Variants in CSMD1 observed in about 807,000 individuals in gnomAD.
CSMD1 encodes CUB and sushi domain-containing protein 1.
CSMD1 carries 213 observed loss-of-function variants against 417.5 expected under a neutral mutation model. The ratio of observed to expected loss-of-function variants is 0.51; its 90% CI spans 0.46 to 0.57. The LOEUF is 0.57. Among genes scored for constraint, CSMD1 ranks in the 20% least tolerant of loss-of-function variants. The pLI is 0.00. For missense variants in CSMD1, 6,923 were observed against 4,529.7 expected, an observed-to-expected ratio of 1.53 and a Z score of -15.17; for synonymous variants, 2,862 against 1,736.8, an observed-to-expected ratio of 1.65 and a Z score of -16.11.
chr8:3,025,528 A>G (rs533050161), intron 51 of CSMD1, among the ~76,000 whole-genome samples: 8 of 152,350 alleles, frequency 5.3e-5, no homozygotes, highest in African/African-American at 1.9e-4. Context: ...CAGCTCTTCT[A>G]AAAATGGGAT....
At chr8:3,632,241 C>T (rs998881652) in intron 7 of CSMD1, among the ~76,000 whole-genome samples, 3 of 152,162 alleles carry the variant, frequency 2.0e-5, no homozygotes, top group Admixed American at 6.5e-5. Context: ...TAGGGCTGGG[C>T]TTTAACCATT....
At chr8:3,316,722 A>G (rs1485381142) in intron 23 of CSMD1, among the ~76,000 whole-genome samples, 1 of 152,198 alleles carries the variant, frequency 6.6e-6, no homozygotes, top group Non-Finnish European at 1.5e-5. Flanking sequence ...AAGGGAAGAC[A>G]GGAAAGGTCA....
chr8:3,294,187 GT>G (rs1385305794), intron 25 of CSMD1, among the ~76,000 whole-genome samples: 1 of 152,098 alleles, frequency 6.6e-6, no homozygotes, highest in Non-Finnish European at 1.5e-5. Context: ...TCCTCTGGAA[GT>G]TTTGTCTCAG....
intron 50 of CSMD1, chr8:3,043,793 C>G (rs7463254): frequency 0.99 from 151,147 of 152,592 alleles, 74,865 homozygotes; most frequent in East Asian, 1. Flanking sequence ...TCAAAAAACA[C>G]ATTATAAGGC....
chr8:3,761,551 G>T (rs1333742453), intron 5 of CSMD1, among the ~76,000 whole-genome samples: 1 of 139,744 alleles, frequency 7.2e-6, no homozygotes. Context: ...TTTCACCCAG[G>T]CTGGAGTGAA....
At position 3,343,450 on chromosome 8, in the gene CSMD1, C is replaced by A. The variant is rs1407959203; in HGVS notation, c.3475G>T (p.Val1159Leu). The change falls in exon 23 of 70, where the codon GTA (valine) becomes TTA (leucine). Residue 1159 changes from valine to leucine, a missense_variant and splice_region_variant. Physicochemically the swap from Val to Leu is conservative, Grantham distance 32 (BLOSUM62 1). Coordinates refer to ENST00000635120, the MANE Select transcript of CSMD1 (RefSeq NM_033225.6). ...GAGGAACTGTCTTTTCCATCATATACCTGATGAAAATTCACAGCATGAGTC... is the reference window on the plus strand; with the variant it reads ...GAGGAACTGTCTTTTCCATCATATAACTGATGAAAATTCACAGCATGAGTC... ...FQLFEGDTLK[V>L]YDGKDSSSRP... The A allele has an allele frequency of 6.2e-7, 1 of 1,611,722 alleles. No homozygotes were observed. Among genetic ancestry groups the A allele is most frequent in the East Asian group, 2.2e-5 (1 of 44,800 alleles).
chr8:3,296,453 G>C (rs1246885714), intron 25 of CSMD1, among the ~76,000 whole-genome samples: 2 of 152,090 alleles, frequency 1.3e-5, no homozygotes, highest in African/African-American at 2.4e-5. Context: ...GGGCTTTGTA[G>C]GCTGTTTTAA....
At chr8:4,100,012 T>A (rs1285763523) in intron 3 of CSMD1, among the ~76,000 whole-genome samples, 1 of 152,202 alleles carries the variant, frequency 6.6e-6, no homozygotes, top group Non-Finnish European at 1.5e-5. Context: ...TTTTCATTTT[T>A]ATGACTTCCA....
At chr8:4,391,871 G>C (rs1304014506) in intron 3 of CSMD1, among the ~76,000 whole-genome samples, 3 of 152,158 alleles carry the variant, frequency 2.0e-5, no homozygotes, top group African/African-American at 7.2e-5. Flanking sequence ...ATCTGGGTAT[G>C]TCCACCAGCT....
intron 9 of CSMD1, among the ~76,000 whole-genome samples, chr8:3,582,475 G>A (rs1405853698): frequency 6.6e-6 from 1 of 152,066 alleles, no homozygotes; most frequent in African/African-American, 2.4e-5. Context: ...AGGAAGTGGG[G>A]CACAACTCAC....
At position 2,938,736 on chromosome 8, in the gene CSMD1, G is replaced by C; in HGVS notation, c.10544C>G (p.Pro3515Arg). ...AGCATAGCCATTGTATTGAACTTTT[G>C]GTCTCGTTCTAAGGAAAACAGAAAA... ...AFYLYKHRTR[P>R]KVQYNGYAGH... is the part of the protein sequence containing the mutation. Residue 3515 changes from proline to arginine, a missense_variant, in exon 70 of 70, where the codon CCA becomes CGA. Transcript: ENST00000635120. The C allele has an allele frequency of 1.9e-6, 3 of 1,607,052 alleles. No individual in the cohort carries two copies. Among genetic ancestry groups the C allele is most frequent in the Non-Finnish European group, 2.6e-6 (3 of 1,176,438 alleles).
chr8:3,892,594 T>C (rs1306017347), intron 5 of CSMD1, among the ~76,000 whole-genome samples: 1 of 152,010 alleles, frequency 6.6e-6, no homozygotes, highest in Non-Finnish European at 1.5e-5. Flanking sequence ...AAATCTGTTC[T>C]CTCCCCACTC....
chr8:3,357,005 G>T (rs895844453), intron 21 of CSMD1, among the ~76,000 whole-genome samples: 1 of 152,106 alleles, frequency 6.6e-6, no homozygotes, highest in Admixed American at 6.6e-5. Context: ...GGGGAGCCAG[G>T]GAAAGCATCA....
intron 37 of CSMD1, among the ~76,000 whole-genome samples, chr8:3,177,550 C>G (rs888560666): frequency 6.6e-6 from 1 of 152,170 alleles, no homozygotes; most frequent in Admixed American, 6.5e-5. Flanking sequence ...GAGACCATTA[C>G]AATATTAAAA....
At chr8:3,421,366 G>C (rs1001231982) in intron 12 of CSMD1, among the ~76,000 whole-genome samples, 2 of 152,164 alleles carry the variant, frequency 1.3e-5, no homozygotes, top group Non-Finnish European at 2.9e-5. Flanking sequence ...CATTGAATGG[G>C]CAGAGATAAA....
chr8:3,395,196 T>C (rs968193676), intron 17 of CSMD1, among the ~76,000 whole-genome samples: 1 of 152,162 alleles, frequency 6.6e-6, no homozygotes, highest in Non-Finnish European at 1.5e-5. Context: ...TATATGTAAA[T>C]TTTAAAAACA....
At chr8:3,697,274 T>G (rs530767880) in intron 7 of CSMD1, among the ~76,000 whole-genome samples, 2 of 152,228 alleles carry the variant, frequency 1.3e-5, no homozygotes, top group East Asian at 1.9e-4. Flanking sequence ...AGCACTCTAA[T>G]GAAAGGATTT....
rs559955866 is a variant in CSMD1 at position 2,960,684 on chromosome 8, T to G, written c.9702+457A>C. Among the ~76,000 whole-genome samples, 15 of 152,142 alleles carry G rather than the reference T, an allele frequency of 9.9e-5. No homozygotes were observed. The South Asian group carries it at 3.1e-3, about 32-fold the overall frequency. On this transcript the variant is annotated intron_variant, in intron 62 of 69. Transcript: ENST00000635120. ...ACTAATTTCACAAGTAAGTTTAGAC[T>G]AAGGGGCTTACATACATTTTCTCCT...
chr8:3,589,730 T>C (rs992246562), intron 8 of CSMD1, among the ~76,000 whole-genome samples: 3 of 152,144 alleles, frequency 2.0e-5, no homozygotes, highest in Admixed American at 1.3e-4. Flanking sequence ...TACTTGAAAA[T>C]TGTCTGGAGA....
Sources: gnomAD v4.1 joint callset for allele counts (sites outside exome capture counted in the v4.1 genomes callset) on GRCh38, gnomAD v4.1.1 for gene constraint, MANE v1.5 for transcripts, NCBI Gene and HGNC (gene_info 2026-07-23, HGNC 2026-07-21) for gene names.